Variants in DCUN1D4 observed in about 807,000 individuals in gnomAD.
The protein encoded by DCUN1D4 is DCN1-like protein 4.
In DCUN1D4, 22 loss-of-function variants were observed where a neutral mutation model predicts 47.9. The ratio of observed to expected loss-of-function variants is 0.46; its 90% CI spans 0.33 to 0.66. The LOEUF (loss-of-function observed/expected upper bound fraction) is 0.66. Among genes scored for constraint, DCUN1D4 ranks in the 30% least tolerant of loss-of-function variants. DCUN1D4 has a pLI of 0.02. For missense variants in DCUN1D4, 301 were observed against 340.8 expected (o/e 0.88, Z 0.92); for synonymous variants, 121 against 112.2 (o/e 1.08, Z -0.50).
the DCUN1D4 span, among the ~76,000 whole-genome samples, chr4:51,834,042 TTCTCTCTCTCTCTCTC>T: frequency 0.01 from 522 of 51,906 alleles, 11 homozygotes; most frequent in African/African-American, 0.031. Context: ...TTAGGAGTCT[TTCTCTCTCTCTCTCTC>T]TCTCTCTCTC....
chr4:51,873,865 G>A (rs963741449), intron 3 of DCUN1D4, among the ~76,000 whole-genome samples: 2 of 152,102 alleles, frequency 1.3e-5, no homozygotes, highest in Admixed American at 6.5e-5. Flanking sequence ...ATGTGCCTAC[G>A]TGTATTTTAG....
upstream of DCUN1D4, among the ~76,000 whole-genome samples, chr4:51,840,879 T>C (rs1285587046): frequency 6.6e-6 from 1 of 152,244 alleles, no homozygotes; most frequent in Non-Finnish European, 1.5e-5. Flanking sequence ...AGGCTATAGC[T>C]GACTCTTTAT....
chr4:51,847,128 G>A (rs1722674903), intron 1 of DCUN1D4, among the ~76,000 whole-genome samples: 1 of 152,192 alleles, frequency 6.6e-6, no homozygotes, highest in South Asian at 2.1e-4. Flanking sequence ...GGTGGAAGAA[G>A]GGTGAGAAGA....
intron 7 of DCUN1D4, among the ~76,000 whole-genome samples, chr4:51,894,385 C>T (rs1730908919): frequency 1.3e-5 from 2 of 152,032 alleles, no homozygotes; most frequent in South Asian, 4.2e-4. Flanking sequence ...CCTCCCACCC[C>T]CACCTTCCAA....
intron 8 of DCUN1D4, 39 bp from the exon 9 acceptor site, chr4:51,911,031 G>C: frequency 6.4e-7 from 1 of 1,571,516 alleles, no homozygotes; most frequent in South Asian, 1.1e-5. Context: ...TTATTATTTG[G>C]GGGCATCTGG....
In DCUN1D4 at chr4:51,891,691, G is replaced by T; in HGVS notation, c.415-69G>T. 3.2e-6 allele frequency: 4 copies of T among 1,239,932 alleles called. 1 individual carries two copies. Among genetic ancestry groups the T allele is most frequent in the South Asian group, 2.7e-5 (2 of 72,902 alleles). The allele number at this position is 1,239,932 out of a possible 1,614,324, so 76.8% of individuals were successfully genotyped here. On this transcript the variant is annotated intron_variant, in intron 6 of 10. Coordinates refer to ENST00000334635, the MANE Select transcript of DCUN1D4 (RefSeq NM_001040402.3). Reference sequence around the variant, plus strand: ...GCAAAACGTTAATGTATTAATGACAGATCTATTTGTTTTTTCTTTTTAATT... The same window carrying T: ...GCAAAACGTTAATGTATTAATGACATATCTATTTGTTTTTTCTTTTTAATT...
At position 51,899,363 on chromosome 4, in the gene DCUN1D4, G is replaced by GT; in HGVS notation, c.603dup (p.Asp202Ter). 4 of 1,606,662 alleles carry GT rather than the reference G, an allele frequency of 2.5e-6. No homozygotes were observed. Among genetic ancestry groups the GT allele is most frequent in the Non-Finnish European group, 3.4e-6 (4 of 1,176,646 alleles). On this transcript the variant is annotated frameshift_variant, in exon 8 of 11. Transcript: ENST00000334635. LOFTEE classifies it high-confidence loss of function. ...ACTTTAAACTTATTTACAGATATGCGTTTGACTTTGCACGGGTGAGTTCTC... is the reference window on the plus strand; with the variant it reads ...ACTTTAAACTTATTTACAGATATGCGTTTTGACTTTGCACGGGTGAGTTCTC...
chr4:51,858,042 A>G (rs1349133902), intron 1 of DCUN1D4, among the ~76,000 whole-genome samples: 1 of 152,200 alleles, frequency 6.6e-6, no homozygotes, highest in Non-Finnish European at 1.5e-5. Flanking sequence ...AATGCTGTGA[A>G]GAAAAGCAAA....
At position 51,874,263 on chromosome 4, in the gene DCUN1D4, T is replaced by C. The variant is rs2109977432; in HGVS notation, c.137-8T>C. 2 of 1,605,088 alleles carry C rather than the reference T, an allele frequency of 1.2e-6. No homozygotes were observed. Among genetic ancestry groups the C allele is most frequent in the Middle Eastern group, 3.3e-4 (2 of 6,016 alleles). ...CTTAATTTTGTGCTCTTTGAATTTGTTTTGTAGGAAGTCTGCGGTCTTGCA... is the reference window on the plus strand; with the variant it reads ...CTTAATTTTGTGCTCTTTGAATTTGCTTTGTAGGAAGTCTGCGGTCTTGCA... On this transcript the variant is annotated splice_region_variant and splice_polypyrimidine_tract_variant and intron_variant, in intron 3 of 10. Coordinates refer to ENST00000334635, the MANE Select transcript of DCUN1D4 (RefSeq NM_001040402.3).
At position 51,915,088 on chromosome 4, in the gene DCUN1D4, A is replaced by T. The variant is rs1460453816; in HGVS notation, c.*1504A>T. The T allele has an allele frequency of 6.6e-6, 1 of 152,506 alleles. No homozygotes were observed. Among genetic ancestry groups the T allele is most frequent in the African/African-American group, 2.4e-5 (1 of 41,414 alleles). 9.4% of individuals were successfully genotyped at this position (152,506 alleles called of 1,614,324 possible). A position where few individuals can be genotyped will look rare whatever the true frequency, so the allele number is the denominator to read the frequency against. ...CTCTGGCTAAAACTTCTTTCGGGTGACATGTGATCGTTTAAATGGCATTAA... is the reference window on the plus strand; with the variant it reads ...CTCTGGCTAAAACTTCTTTCGGGTGTCATGTGATCGTTTAAATGGCATTAA... On this transcript the variant is annotated 3_prime_UTR_variant, in exon 11 of 11. Transcript: ENST00000334635.
At chr4:51,879,226 C>CT (rs1042448736) in intron 5 of DCUN1D4, among the ~76,000 whole-genome samples, 1 of 152,202 alleles carries the variant, frequency 6.6e-6, no homozygotes, top group African/African-American at 2.4e-5. Flanking sequence ...TAGCATTTGT[C>CT]TGTTTTCATG....
chr4:51,882,068 T>G (rs1198372350), intron 5 of DCUN1D4, among the ~76,000 whole-genome samples: 1 of 151,942 alleles, frequency 6.6e-6, no homozygotes, highest in East Asian at 1.9e-4. Flanking sequence ...CAAACTATAT[T>G]TTAACCTATT....
At chr4:51,874,232 G>C (rs200539603) in intron 3 of DCUN1D4, 39 bp from the exon 4 acceptor site, 1 of 1,403,578 alleles carries the variant, frequency 7.1e-7, no homozygotes, top group East Asian at 2.3e-5. Context: ...TTAGGATGTA[G>C]CATACCTTAA....
intron 3 of DCUN1D4, among the ~76,000 whole-genome samples, chr4:51,866,710 G>A (rs1001924035): frequency 6.6e-6 from 1 of 152,124 alleles, no homozygotes; most frequent in Admixed American, 6.5e-5. Flanking sequence ...TAGTAATTTT[G>A]CATGTAAATA....
intron 1 of DCUN1D4, chr4:51,844,304 C>T: frequency 1.1e-6 from 1 of 909,030 alleles, no homozygotes; most frequent in Non-Finnish European, 1.3e-6. Flanking sequence ...CTTCGGGGTG[C>T]GGAGAGAGGA....
chr4:51,887,193 C>G (rs191384028), intron 6 of DCUN1D4: 1 of 426,722 alleles, frequency 2.3e-6, no homozygotes, highest in Non-Finnish European at 4.7e-6. Context: ...CTCTGCCTCC[C>G]GGGTTGAAGC....
At chr4:51,852,787 A>G (rs1367358276) in intron 1 of DCUN1D4, among the ~76,000 whole-genome samples, 10 of 152,198 alleles carry the variant, frequency 6.6e-5, no homozygotes, top group African/African-American at 1.2e-4. Context: ...TTTCGGCTTT[A>G]TGGATGAGGA....
rs369082358 is a variant in DCUN1D4, at chr4:51,910,798, G to T, written c.616-272G>T. 514 of 455,258 alleles carry T rather than the reference G, an allele frequency of 1.1e-3. 4 individuals are homozygous for T. Among genetic ancestry groups the T allele is most frequent in the African/African-American group, 9.4e-3 (457 of 48,606 alleles). The allele number at this position is 455,258 out of a possible 1,614,324, so 28.2% of individuals were successfully genotyped here. A position where few individuals can be genotyped will look rare whatever the true frequency, so the allele number is the denominator to read the frequency against. On this transcript the variant is annotated intron_variant, in intron 8 of 10. Transcript: ENST00000334635. ...ATCCCATGAAAAGCCTGTAGAAACT[G>T]CTACGACATAACTAATTGATTTTGC...
chr4:51,905,453 T>C (rs1031059643), intron 8 of DCUN1D4: 1 of 160,196 alleles, frequency 6.2e-6, no homozygotes, highest in African/African-American at 2.4e-5. Flanking sequence ...AGTTGGAATT[T>C]TGCCTCAGTA....
Sources: gnomAD v4.1 joint callset for allele counts (sites outside exome capture counted in the v4.1 genomes callset) on GRCh38, gnomAD v4.1.1 for gene constraint, MANE v1.5 for transcripts, NCBI Gene and HGNC (gene_info 2026-07-23, HGNC 2026-07-21) for gene names.